Variants in LHFPL3 observed in about 807,000 individuals in gnomAD.
LHFPL3 encodes the protein LHFPL tetraspan subfamily member 3 protein.
A neutral mutation model predicts 19.3 loss-of-function variants in LHFPL3; 5 were observed. The observed-to-expected ratio is 0.26, with a 90% CI of 0.14 to 0.54. The LOEUF is 0.54. Ranked by LOEUF, LHFPL3 falls within the 20% of genes least tolerant of loss-of-function variation. LHFPL3 has a pLI of 0.94. For synonymous variants in LHFPL3, 133 were observed against 126.2 expected (o/e 1.05, Z -0.36); for missense variants, 249 against 307.4 (o/e 0.81, Z 1.42).
intron 1 of LHFPL3, among the ~76,000 whole-genome samples, chr7:104,644,328 G>T (rs967905132): frequency 1.2e-4 from 18 of 152,164 alleles, no homozygotes; most frequent in African/African-American, 4.3e-4. Context: ...TAACCCAAAT[G>T]TTGCCTGCCA....
chr7:104,514,732 A>T lies in LHFPL3; in HGVS notation c.445+185508A>T, dbSNP rs183545321. Among the ~76,000 whole-genome samples, 13 of 152,210 alleles carry T rather than the reference A, an allele frequency of 8.5e-5. No individual in the cohort carries two copies. The East Asian group carries it at 2.5e-3, about 29-fold the overall frequency. On this transcript the variant is annotated intron_variant, in intron 1 of 2. Transcript: ENST00000424859. ...GGAAACTGTAAATACAATGTCTGGG[A>T]CTCAACCAAGATGTCCCCATTTAAC...
At chr7:104,581,827 G>C (rs1259232440) in intron 1 of LHFPL3, among the ~76,000 whole-genome samples, 1 of 151,728 alleles carries the variant, frequency 6.6e-6, no homozygotes, top group Non-Finnish European at 1.5e-5. Flanking sequence ...CTCTCTATTT[G>C]GTTTCATTGA....
chr7:104,595,167 C>T (rs1400069727), intron 1 of LHFPL3, among the ~76,000 whole-genome samples: 2 of 152,174 alleles, frequency 1.3e-5, no homozygotes, highest in African/African-American at 4.8e-5. Context: ...TTCTCCCCAT[C>T]TTTGTGGTTA....
chr7:104,810,957 G>A (rs61195574), intron 2 of LHFPL3, among the ~76,000 whole-genome samples: 25,151 of 152,166 alleles, frequency 0.17, 2,409 homozygotes, highest in East Asian at 0.45. Flanking sequence ...TAAACTGGCA[G>A]CTCAGGATTA....
chr7:104,480,176 T>C (rs374560734), intron 1 of LHFPL3, among the ~76,000 whole-genome samples: 1 of 152,192 alleles, frequency 6.6e-6, no homozygotes, highest in Non-Finnish European at 1.5e-5. Context: ...GTGAAATCCA[T>C]GATTAATCAC....
chr7:104,441,353 T>C (rs1792220491), intron 1 of LHFPL3, among the ~76,000 whole-genome samples: 1 of 152,178 alleles, frequency 6.6e-6, no homozygotes, highest in Non-Finnish European at 1.5e-5. Flanking sequence ...TACTGGCTTG[T>C]TTCATTTAGC....
chr7:104,748,358 A>T (rs1794090984), intron 2 of LHFPL3, among the ~76,000 whole-genome samples: 1 of 144,180 alleles, frequency 6.9e-6, no homozygotes, highest in Non-Finnish European at 1.5e-5. Flanking sequence ...TGTGCTGAGG[A>T]GGATTAGTAA....
chr7:104,511,940 TTTTC>T (rs1219973135), intron 1 of LHFPL3, among the ~76,000 whole-genome samples: 8 of 137,826 alleles, frequency 5.8e-5, no homozygotes, highest in Admixed American at 4.4e-4. Context: ...TTTTCTTTCC[TTTTC>T]TTTTTTTTTT....
intron 1 of LHFPL3, among the ~76,000 whole-genome samples, chr7:104,659,527 C>T (rs1392377372): frequency 2.6e-5 from 4 of 152,184 alleles, no homozygotes; most frequent in African/African-American, 9.7e-5. Context: ...TAGCCACATG[C>T]TTTTCCTGAA....
intron 1 of LHFPL3, among the ~76,000 whole-genome samples, chr7:104,441,863 T>C (rs1792230975): frequency 6.6e-6 from 1 of 152,170 alleles, no homozygotes. Flanking sequence ...TGTGAGCCAC[T>C]GCGCCTGGCT....
intron 1 of LHFPL3, among the ~76,000 whole-genome samples, chr7:104,696,479 T>C (rs1053573532): frequency 6.6e-6 from 1 of 151,900 alleles, no homozygotes; most frequent in Non-Finnish European, 1.5e-5. Context: ...TGTGCTTACA[T>C]ATATGTGTGT....
chr7:104,886,277 A>C (rs977715351), intron 2 of LHFPL3, among the ~76,000 whole-genome samples: 8 of 152,248 alleles, frequency 5.3e-5, no homozygotes, highest in Non-Finnish European at 8.8e-5. Context: ...AAAATGAAGA[A>C]AAAGTATTAA....
At chr7:104,376,583 A>G (rs994970836) in intron 1 of LHFPL3, among the ~76,000 whole-genome samples, 1 of 152,184 alleles carries the variant, frequency 6.6e-6, no homozygotes, top group African/African-American at 2.4e-5. Flanking sequence ...ATGGGCCTGA[A>G]CTGGCAGGGA....
At chr7:104,667,608 T>G in intron 1 of LHFPL3, 1 of 663,530 alleles carries the variant, frequency 1.5e-6, no homozygotes, top group Non-Finnish European at 2.5e-6. Context: ...AACTAATATT[T>G]GTTATCCATT....
chr7:104,612,177 A>G (rs915817345), intron 1 of LHFPL3, among the ~76,000 whole-genome samples: 1 of 152,222 alleles, frequency 6.6e-6, no homozygotes, highest in Non-Finnish European at 1.5e-5. Context: ...GAACATAGAC[A>G]TCGTCAAACC....
At chr7:104,594,349 A>C (rs1231592532) in intron 1 of LHFPL3, among the ~76,000 whole-genome samples, 1 of 152,218 alleles carries the variant, frequency 6.6e-6, no homozygotes, top group Admixed American at 6.5e-5. Context: ...TCCTTTAAGA[A>C]TGTTGACTAT....
intron 2 of LHFPL3, among the ~76,000 whole-genome samples, chr7:104,865,207 A>C (rs1254813118): frequency 6.6e-6 from 1 of 152,228 alleles, no homozygotes; most frequent in African/African-American, 2.4e-5. Context: ...CACCAGCAAC[A>C]GAACAAAGCT....
intron 2 of LHFPL3, among the ~76,000 whole-genome samples, chr7:104,898,254 G>A (rs529466359): frequency 5.3e-5 from 8 of 151,970 alleles, no homozygotes; most frequent in South Asian, 2.1e-4. Context: ...TGATCTGCCC[G>A]CCTCAGCCTC....
chr7:104,725,274 T>A (rs1398836561), intron 1 of LHFPL3, among the ~76,000 whole-genome samples: 1 of 152,110 alleles, frequency 6.6e-6, no homozygotes, highest in African/African-American at 2.4e-5. Flanking sequence ...AGAAAAGACG[T>A]CTTTGTTGAC....
Sources: gnomAD v4.1 joint callset for allele counts (sites outside exome capture counted in the v4.1 genomes callset) on GRCh38, gnomAD v4.1.1 for gene constraint, MANE v1.5 for transcripts, NCBI Gene and HGNC (gene_info 2026-07-23, HGNC 2026-07-21) for gene names.